The following HDAC9 variants were observed in gnomAD, a reference collection of about 807,000 sequenced individuals.
HDAC9 encodes histone deacetylase 9.
A neutral mutation model predicts 139.4 loss-of-function variants in HDAC9; 41 were observed. The observed-to-expected ratio is 0.29, with a 90% CI of 0.23 to 0.38. The LOEUF (loss-of-function observed/expected upper bound fraction) is 0.38, where lower values mean the gene tolerates loss of function less well. Ranked by LOEUF, HDAC9 falls within the 10% of genes least tolerant of loss-of-function variation. HDAC9 has a pLI of 1.00. For missense variants in HDAC9, 1,147 were observed against 1,297.0 expected (o/e 0.88, Z 1.78); for synonymous variants, 517 against 476.2 (o/e 1.09, Z -1.12).
chr7:18,275,036 G>A (rs138468683), intron 2 of HDAC9, among the ~76,000 whole-genome samples: 18 of 152,276 alleles, frequency 1.2e-4, no homozygotes, highest in African/African-American at 4.3e-4. Context: ...TGAACTTCAG[G>A]CATGTATATC....
At chr7:18,518,460 A>G (rs191904303) in intron 2 of HDAC9, among the ~76,000 whole-genome samples, 5 of 152,306 alleles carry the variant, frequency 3.3e-5, no homozygotes, top group East Asian at 3.9e-4. Context: ...TAAGTGATCA[A>G]TTTTAGAAAG....
intron 2 of HDAC9, among the ~76,000 whole-genome samples, chr7:18,583,441 C>T (rs1463784881): frequency 6.6e-6 from 1 of 152,042 alleles, no homozygotes; most frequent in Non-Finnish European, 1.5e-5. Flanking sequence ...TTTTGAAGAG[C>T]CTGGTGCTGT....
At chr7:18,348,868 T>C (rs1782626824) in intron 1 of HDAC9, among the ~76,000 whole-genome samples, 1 of 152,168 alleles carries the variant, frequency 6.6e-6, no homozygotes, top group South Asian at 2.1e-4. Flanking sequence ...TTATTTAATC[T>C]TCACAGTAGT....
intron 1 of HDAC9, among the ~76,000 whole-genome samples, chr7:18,474,364 A>G (rs1794953212): frequency 1.3e-5 from 2 of 152,228 alleles, no homozygotes; most frequent in South Asian, 4.1e-4. Flanking sequence ...CATGTCAGGT[A>G]TCCATCTATA....
At chr7:18,151,868 G>A (rs2128119871) in intron 1 of HDAC9, 1 of 152,308 alleles carries the variant, frequency 6.6e-6, no homozygotes, top group East Asian at 1.9e-4. Flanking sequence ...AATAGTTGAA[G>A]GACACAGCAA....
At chr7:18,107,079 A>G (rs561332003) in intron 1 of HDAC9, among the ~76,000 whole-genome samples, 104 of 152,330 alleles carry the variant, frequency 6.8e-4, no homozygotes, top group African/African-American at 2.5e-3. Flanking sequence ...CTGGGTATGC[A>G]ACTATGATAT....
chr7:18,217,049 T>G (rs548136369), intron 2 of HDAC9, among the ~76,000 whole-genome samples: 1 of 152,140 alleles, frequency 6.6e-6, no homozygotes, highest in Non-Finnish European at 1.5e-5. Context: ...CTTCAATGTT[T>G]AAAAGAATCC....
In HDAC9 at chr7:18,807,444, T is replaced by C. The variant is rs569407273; in HGVS notation, c.2322+13992T>C. On this transcript the variant is annotated intron_variant, in intron 17 of 25. Coordinates refer to ENST00000686413, the MANE Select transcript of HDAC9 (RefSeq NM_178425.4). Reference sequence around the variant, plus strand: ...ATGTTTTTATTTCATTTATTTCTGCTGTAATCTTTATTATTTCCTTCTTTG... The same window carrying C: ...ATGTTTTTATTTCATTTATTTCTGCCGTAATCTTTATTATTTCCTTCTTTG... Among the ~76,000 whole-genome samples, 37 of 152,202 alleles carry C rather than the reference T, an allele frequency of 2.4e-4. 2 individuals carry two copies. In the South Asian group the frequency reaches 7.5e-3, roughly 31 times the overall value.
At chr7:18,384,686 C>T (rs1280566017) in intron 1 of HDAC9, among the ~76,000 whole-genome samples, 4 of 151,400 alleles carry the variant, frequency 2.6e-5, no homozygotes, top group Non-Finnish European at 4.4e-5. Flanking sequence ...GACTGGAAAC[C>T]AGTAGTTGAG....
intron 2 of HDAC9, among the ~76,000 whole-genome samples, chr7:18,213,233 A>G (rs1792073400): frequency 1.3e-5 from 2 of 152,150 alleles, no homozygotes; most frequent in Non-Finnish European, 2.9e-5. Context: ...ATTGTATGCC[A>G]GTGATTAATT....
rs370694532 is a variant in HDAC9 at position 18,707,549 on chromosome 7, A to G, written c.1732-20031A>G. Among the ~76,000 whole-genome samples the G allele has an allele frequency of 1.2e-4, 19 of 152,332 alleles. No homozygotes were observed. The South Asian group carries it at 3.3e-3, about 27-fold the overall frequency. On this transcript the variant is annotated intron_variant, in intron 12 of 25. Transcript: ENST00000686413. ...CAGGAGCATTTAAGGTGAAGGGAAT[A>G]TAGTCGGAATATATGAAAAAATCAA...
intron 12 of HDAC9, among the ~76,000 whole-genome samples, chr7:18,719,211 C>T (rs75212081): frequency 0.013 from 1,915 of 151,870 alleles, 49 homozygotes; most frequent in African/African-American, 0.043. Context: ...TTGCCAGATA[C>T]ATGATTTGCA....
intron 25 of HDAC9, among the ~76,000 whole-genome samples, chr7:18,980,715 C>CCTTCTTCCTCTTCTTCTTCCT: frequency 1.5e-5 from 2 of 133,568 alleles, no homozygotes; most frequent in South Asian, 5.0e-4. Context: ...TTCCTTCTTC[C>CCTTCTTCCTCTTCTTCTTCCT]TCTTCTTCTT....
intron 2 of HDAC9, among the ~76,000 whole-genome samples, chr7:18,175,494 A>G (rs1299366898): frequency 6.6e-6 from 1 of 152,138 alleles, no homozygotes; most frequent in East Asian, 1.9e-4. Context: ...AGTGAGGTGA[A>G]CCAGGCATCT....
chr7:18,725,561 A>G (rs1785479071), intron 12 of HDAC9, among the ~76,000 whole-genome samples: 1 of 152,146 alleles, frequency 6.6e-6, no homozygotes, highest in Admixed American at 6.6e-5. Context: ...ACTGGTTGGT[A>G]TTAGAAGTTG....
At chr7:18,513,803 T>C (rs1438746324) in intron 2 of HDAC9, among the ~76,000 whole-genome samples, 2 of 152,238 alleles carry the variant, frequency 1.3e-5, no homozygotes, top group Non-Finnish European at 2.9e-5. Flanking sequence ...TTTAATTCCC[T>C]AAACCAGATC....
At chr7:18,499,398 A>C (rs1188689670) in intron 2 of HDAC9, among the ~76,000 whole-genome samples, 1 of 152,026 alleles carries the variant, frequency 6.6e-6, no homozygotes. Context: ...GTTTGGTAGA[A>C]CCAGGTTCTA....
At chr7:18,888,131 C>T (rs1800330331) in intron 22 of HDAC9, among the ~76,000 whole-genome samples, 1 of 152,148 alleles carries the variant, frequency 6.6e-6, no homozygotes, top group Non-Finnish European at 1.5e-5. Context: ...TAGAAATGAG[C>T]TTTCACTGGG....
upstream of HDAC9, among the ~76,000 whole-genome samples, chr7:18,289,628 A>T (rs1797682238): frequency 6.6e-6 from 1 of 152,184 alleles, no homozygotes; most frequent in Non-Finnish European, 1.5e-5. Flanking sequence ...AGGCACTTCA[A>T]AGTGAGTACT....
Sources: allele counts gnomAD v4.1 joint callset (sites outside exome capture counted in the v4.1 genomes callset), GRCh38; gene constraint gnomAD v4.1.1; transcripts MANE v1.5; gene names NCBI Gene and HGNC (gene_info 2026-07-23, HGNC 2026-07-21).